Variants in ADAP1 observed in about 807,000 individuals in gnomAD.
ADAP1 encodes the protein ArfGAP with dual PH domains 1.
ADAP1 carries 31 observed loss-of-function variants against 54.9 expected under a neutral mutation model. That is an observed-to-expected ratio of 0.56 (90% CI 0.42 to 0.76). ADAP1 has a LOEUF of 0.76. Ranked by LOEUF, ADAP1 falls within the 30% of genes least tolerant of loss-of-function variation. The probability of loss-of-function intolerance (pLI) is 0.00; values close to 1 mark genes in which losing one functional copy is unlikely to be tolerated. For synonymous variants in ADAP1, 313 were observed against 202.6 expected, an observed-to-expected ratio of 1.55 and a Z score of -4.63; for missense variants, 535 against 512.4, an observed-to-expected ratio of 1.04 and a Z score of -0.42.
intron 4 of ADAP1, among the ~76,000 whole-genome samples, chr7:913,218 T>TTTGG (rs398003372): frequency 8.0e-6 from 1 of 124,282 alleles, no homozygotes; most frequent in African/African-American, 3.0e-5. Context: ...TTTTTTTTTT[T>TTTGG]GAGACGGAGT....
intron 6 of ADAP1, among the ~76,000 whole-genome samples, chr7:902,344 G>T (rs1844859120): frequency 6.7e-6 from 1 of 148,994 alleles, no homozygotes; most frequent in Admixed American, 6.8e-5. Flanking sequence ...TGTAATCCCA[G>T]CTACTCGGGA....
In ADAP1 at chr7:931,216, G is replaced by A. The variant is rs553287743; in HGVS notation, c.213+4159C>T. On this transcript the variant is annotated intron_variant, in intron 2 of 10. Transcript: ENST00000265846. ...GCTGCCTGGCCAGGGTGGGGACGGT[G>A]CTCAAAGGTGGGAGACAGGGAAGGA... Among the ~76,000 whole-genome samples, 8 of 152,290 alleles carry A rather than the reference G, an allele frequency of 5.3e-5. 1 individual carries two copies. In the South Asian group the frequency reaches 1.7e-3, roughly 32 times the overall value.
intron 4 of ADAP1, among the ~76,000 whole-genome samples, chr7:909,860 G>GT (rs899217840): frequency 6.6e-6 from 1 of 152,064 alleles, no homozygotes; most frequent in Admixed American, 6.5e-5. Context: ...GTGTGGGGTG[G>GT]GGGGGGTTCT....
Position 920,488 on chromosome 7 carries a change from C to G in ADAP1, c.306-438G>C, listed in dbSNP as rs1230176977. On this transcript the variant is annotated intron_variant, in intron 3 of 10. Transcript: ENST00000265846. This position sits in a 1 kb window ranked among gnomAD's most constrained non-coding sequence, Gnocchi z 4.5. ...GATCTGGGAAGTGGCCGCGGCGCCG[C>G]CCTCCACCCACCGTGCTGCCACCTT... Among the ~76,000 whole-genome samples the G allele has an allele frequency of 2.6e-5, 4 of 151,652 alleles. No homozygotes were observed. The highest frequency in any genetic ancestry group is 9.7e-5 in the African/African-American group (4 of 41,260).
At chr7:931,984 C>G (rs1048986601) in intron 2 of ADAP1, among the ~76,000 whole-genome samples, 2 of 152,134 alleles carry the variant, frequency 1.3e-5, no homozygotes, top group African/African-American at 2.4e-5. Flanking sequence ...CCAGGGGGGG[C>G]CCAGTGCAGC....
At chr7:950,429 T>G (rs1365346253) in intron 1 of ADAP1, among the ~76,000 whole-genome samples, 2 of 141,230 alleles carry the variant, frequency 1.4e-5, no homozygotes, top group African/African-American at 2.7e-5. Flanking sequence ...GAGCTTGCAG[T>G]GAGCTGAGAA....
chr7:923,585 C>T lies in ADAP1; in HGVS notation c.305+2968G>A, dbSNP rs545688710. 6.2e-3 allele frequency among the ~76,000 whole-genome samples: 939 copies of T among 152,230 alleles called. 6 individuals are homozygous for T. The highest frequency in any genetic ancestry group is 8.5e-3 in the Non-Finnish European group (577 of 68,002). ...AGGGCACACGAGACCCTCTGCCCTC[C>T]CCTGCGGGTGCAGCCTCCCCTCTTA... On this transcript the variant is annotated intron_variant, in intron 3 of 10. Transcript: ENST00000265846.
At chr7:909,648 G>C (rs1295233624) in intron 4 of ADAP1, among the ~76,000 whole-genome samples, 1 of 152,244 alleles carries the variant, frequency 6.6e-6, no homozygotes, top group Non-Finnish European at 1.5e-5. Context: ...ACCAGCAACA[G>C]CCAGTGAGAC....
chr7:911,612 G>A (rs1165416678), intron 4 of ADAP1, among the ~76,000 whole-genome samples: 7 of 99,282 alleles, frequency 7.1e-5, no homozygotes, highest in African/African-American at 2.1e-4. Flanking sequence ...GGGGTCCCAC[G>A]GAGGGCCAGG....
intron 4 of ADAP1, 138 bp from the exon 5 acceptor site, chr7:905,310 G>GGGAC (rs1429717769): frequency 3.0e-6 from 1 of 333,064 alleles, no homozygotes; most frequent in African/African-American, 6.0e-5. Context: ...GGGGGAGACG[G>GGGAC]ACGGGGAGAG....
chr7:912,582 TC>T (rs1366457390), intron 4 of ADAP1, among the ~76,000 whole-genome samples: 3 of 152,094 alleles, frequency 2.0e-5, no homozygotes, highest in Non-Finnish European at 4.4e-5. Context: ...CAAGGGCTTC[TC>T]CCCCGGTCCT....
At chr7:915,950 C>A (rs1250721235) in intron 4 of ADAP1, among the ~76,000 whole-genome samples, 2 of 152,074 alleles carry the variant, frequency 1.3e-5, no homozygotes, top group African/African-American at 4.8e-5. Context: ...CTGCCACCTG[C>A]CTGCAGAACC....
At chr7:922,817 C>T (rs1846237187) in intron 3 of ADAP1, among the ~76,000 whole-genome samples, 1 of 151,088 alleles carries the variant, frequency 6.6e-6, no homozygotes, top group African/African-American at 2.4e-5. Flanking sequence ...CGCCCACACC[C>T]CCGCCCACGC....
chr7:913,403 G>C (rs948957515), intron 4 of ADAP1, among the ~76,000 whole-genome samples: 3 of 151,606 alleles, frequency 2.0e-5, no homozygotes, highest in Admixed American at 6.6e-5. Flanking sequence ...GGGTTTCACC[G>C]TGTTAGCCAG....
intron 6 of ADAP1, 36 bp from the exon 7 acceptor site, chr7:900,652 A>C (rs766115227): frequency 3.4e-6 from 5 of 1,486,944 alleles, no homozygotes; most frequent in Non-Finnish European, 4.5e-6. Flanking sequence ...TGGGCTGAGG[A>C]GGCTGCAGCG....
intron 1 of ADAP1, 44 bp downstream of exon 1, chr7:954,352 A>AC: frequency 9.3e-5 from 33 of 355,464 alleles, no homozygotes; most frequent in Non-Finnish European, 1.1e-4. Flanking sequence ...CCCCGCGCCC[A>AC]CCCCGGACCC....
rs73254031 is a variant in ADAP1, at chr7:910,680, G to A, written c.389-5508C>T. On this transcript the variant is annotated intron_variant, in intron 4 of 10. Coordinates refer to ENST00000265846, the MANE Select transcript of ADAP1 (RefSeq NM_006869.4). ...CTTGTAAACTGGGGCAGGGAAGCAC[G>A]TGGCCCTGCTCTGAGTGACAGCTCA... 8.6e-3 allele frequency among the ~76,000 whole-genome samples: 1,308 copies of A among 152,346 alleles called. 23 individuals carry two copies. Among genetic ancestry groups the A allele is most frequent in the African/African-American group, 0.029 (1,213 of 41,580 alleles).
intron 4 of ADAP1, among the ~76,000 whole-genome samples, chr7:910,311 A>C (rs1378231864): frequency 2.0e-5 from 3 of 151,314 alleles, no homozygotes; most frequent in Admixed American, 2.0e-4. Context: ...GTGCAGGGGC[A>C]CTATCACAGC....
intron 4 of ADAP1, among the ~76,000 whole-genome samples, chr7:918,087 A>T (rs1846008949): frequency 6.6e-6 from 1 of 152,126 alleles, no homozygotes; most frequent in Non-Finnish European, 1.5e-5. Flanking sequence ...CCAACCGTGC[A>T]CAGCTAATTT....
Sources: gnomAD v4.1 joint callset for allele counts (sites outside exome capture counted in the v4.1 genomes callset) on GRCh38, gnomAD v4.1.1 for gene constraint, Gnocchi (gnomAD v3.1) non-coding constraint, MANE v1.5 for transcripts, NCBI Gene and HGNC (gene_info 2026-07-23, HGNC 2026-07-21) for gene names.